Variants in NCAPG observed in about 807,000 individuals in gnomAD.
The protein encoded by NCAPG is non-SMC condensin I complex subunit G, also known as condensin complex subunit 3.
Under a neutral mutation model 113.1 loss-of-function variants are expected in NCAPG, and 69 were observed. The ratio of observed to expected loss-of-function variants is 0.61; its 90% CI spans 0.50 to 0.75. The LOEUF (loss-of-function observed/expected upper bound fraction) is 0.75, where lower values mean the gene tolerates loss of function less well. Ranked by LOEUF, NCAPG falls within the 30% of genes least tolerant of loss-of-function variation. The pLI, the probability that NCAPG is intolerant of heterozygous loss-of-function variation, is 0.00. For synonymous variants in NCAPG, 370 were observed against 415.8 expected (o/e 0.89, Z 1.34); for missense variants, 1,058 against 1,177.0 (o/e 0.90, Z 1.48).
intron 4 of NCAPG, 104 bp downstream of exon 4, chr4:17,815,102 T>G (rs1560221916): frequency 2.8e-6 from 4 of 1,450,422 alleles, no homozygotes; most frequent in Non-Finnish European, 3.8e-6. Context: ...TTTCTTCAGT[T>G]GAGGTTTTAT....
rs200307346 is a variant in NCAPG, at chr4:17,811,127, C to T, written c.50C>T (p.Ala17Val). The part of the protein sequence containing the change: ...LLSIKEAFRL[A>V]QQPHQNQAKL... ...TCGATTAAGGAGGCCTTTCGGCTGG[C>T]GCAGCAGCCGCACCAGAACCAGGCG... is the stretch of plus-strand genomic sequence containing the variant. The change falls in exon 1 of 21, where the codon GCG becomes GTG. Residue 17 changes from alanine to valine, a missense_variant. By Grantham distance (64) the Ala-to-Val change is moderately conservative. Coordinates refer to ENST00000251496, the MANE Select transcript of NCAPG (RefSeq NM_022346.5). The surrounding 1 kb of genome is among the most constrained non-coding windows in gnomAD (Gnocchi z 5.3). The T allele has an allele frequency of 3.9e-6, 6 of 1,520,418 alleles. No individual in the cohort carries two copies. The highest frequency in any genetic ancestry group is 5.3e-6 in the Non-Finnish European group (6 of 1,134,200). 94.2% of individuals were successfully genotyped at this position (1,520,418 alleles called of 1,614,324 possible).
intron 13 of NCAPG, among the ~76,000 whole-genome samples, chr4:17,832,612 A>G (rs1281589749): frequency 6.6e-6 from 1 of 152,172 alleles, no homozygotes; most frequent in Non-Finnish European, 1.5e-5. Context: ...AGTATAGGGG[A>G]GAGGTCCAAG....
chr4:17,817,248 A>C lies in NCAPG; in HGVS notation c.776-13A>C, dbSNP rs1370744125. ...GGAGCCTTTGTTCACCTATGTTTCA[A>C]ATGACTCAATAGATGCTGTGAAACA... On this transcript the variant is annotated splice_polypyrimidine_tract_variant and intron_variant, in intron 5 of 20. Transcript: ENST00000251496. 6.2e-7 allele frequency: 1 copy of C among 1,600,144 alleles called. No individual in the cohort carries two copies. The highest frequency in any genetic ancestry group is 1.7e-5 in the Admixed American group (1 of 57,914).
intron 16 of NCAPG, among the ~76,000 whole-genome samples, chr4:17,838,219 C>T (rs1722182597): frequency 6.6e-6 from 1 of 152,176 alleles, no homozygotes; most frequent in Non-Finnish European, 1.5e-5. Flanking sequence ...ATCAATTGCA[C>T]ACTGACTCAC....
Position 17,823,057 on chromosome 4 carries a change from A to C in NCAPG, c.1193A>C (p.Lys398Thr), listed in dbSNP as rs1418934787. 1 of 1,610,056 alleles carries C rather than the reference A, an allele frequency of 6.2e-7. No individual in the cohort carries two copies. Among genetic ancestry groups the C allele is most frequent in the Admixed American group, 1.7e-5 (1 of 59,302 alleles). ...TCCTATATTGGAAATTTGATGACAA[A>C]AGAATTCATAGGTCAACAATTGATT... ...DFSYIGNLMT[K>T]EFIGQQLILI... Residue 398 changes from lysine (K) to threonine (T), a missense_variant, in exon 8 of 21, where the codon AAA becomes ACA. By Grantham distance (78) the Lys-to-Thr change is moderately conservative (BLOSUM62 -1). Transcript: ENST00000251496.
chr4:17,829,654 A>C (rs1721788265), intron 12 of NCAPG, among the ~76,000 whole-genome samples: 1 of 152,222 alleles, frequency 6.6e-6, no homozygotes, highest in South Asian at 2.1e-4. Context: ...GTAGAGGAAT[A>C]TAAAAGATGT....
chr4:17,837,128 A>C (rs1355245851), intron 14 of NCAPG, 31 bp from the exon 15 acceptor site: 3 of 1,599,264 alleles, frequency 1.9e-6, no homozygotes, highest in East Asian at 4.5e-5. Flanking sequence ...GATACAAATA[A>C]ATTTCTTCTA....
chr4:17,836,368 T>G (rs947948227), intron 14 of NCAPG, among the ~76,000 whole-genome samples: 2 of 152,202 alleles, frequency 1.3e-5, no homozygotes, highest in African/African-American at 4.8e-5. Context: ...CAGGTATAAT[T>G]TGTAACTTTT....
chr4:17,814,244 G>A (rs1289785802), intron 3 of NCAPG, among the ~76,000 whole-genome samples: 1 of 152,036 alleles, frequency 6.6e-6, no homozygotes, highest in Non-Finnish European at 1.5e-5. Flanking sequence ...TGACTTTTAG[G>A]GCTATTTGTT....
intron 7 of NCAPG, among the ~76,000 whole-genome samples, chr4:17,820,601 CA>C (rs561508725): frequency 6.7e-6 from 1 of 149,434 alleles, no homozygotes; most frequent in Non-Finnish European, 1.5e-5. Flanking sequence ...GACTCCGTCT[CA>C]AAAAAAACAA....
At chr4:17,827,125 G>A (rs1342660203) in intron 11 of NCAPG, among the ~76,000 whole-genome samples, 1 of 152,170 alleles carries the variant, frequency 6.6e-6, no homozygotes, top group Non-Finnish European at 1.5e-5. Flanking sequence ...CAACATCTGT[G>A]ATGGTCCAGA....
intron 8 of NCAPG, among the ~76,000 whole-genome samples, 157 bp from the exon 9 acceptor site, chr4:17,823,490 C>A (rs1489830039): frequency 6.6e-6 from 1 of 151,822 alleles, no homozygotes; most frequent in Non-Finnish European, 1.5e-5. Flanking sequence ...GAATATTTGA[C>A]CTAAAGTCTG....
At chr4:17,816,792 A>G (rs1228957681) in intron 5 of NCAPG, among the ~76,000 whole-genome samples, 1 of 152,168 alleles carries the variant, frequency 6.6e-6, no homozygotes, top group Non-Finnish European at 1.5e-5. Flanking sequence ...GTAAGTGACC[A>G]TTACAGTGAC....
At chr4:17,813,352 C>G in intron 3 of NCAPG, 2 of 385,706 alleles carry the variant, frequency 5.2e-6, no homozygotes, top group Non-Finnish European at 9.2e-6. Flanking sequence ...ATCCCTGTCC[C>G]TCAGAAGTAA....
chr4:17,830,422 C>A (rs1169279782), intron 12 of NCAPG, among the ~76,000 whole-genome samples: 2 of 151,564 alleles, frequency 1.3e-5, no homozygotes, highest in South Asian at 2.1e-4. Flanking sequence ...AAAGAAAAAA[C>A]CATGTTGGGT....
chr4:17,837,471 AG>A (rs1403994077), intron 15 of NCAPG, 131 bp downstream of exon 15: 47 of 1,220,218 alleles, frequency 3.9e-5, no homozygotes, highest in Non-Finnish European at 5.2e-5. Context: ...TGAAATGACA[AG>A]AACGATACAG....
intron 6 of NCAPG, 138 bp from the exon 7 acceptor site, chr4:17,817,801 G>C (rs1283610051): frequency 1.9e-5 from 16 of 833,274 alleles, no homozygotes; most frequent in Admixed American, 3.7e-5. Flanking sequence ...TCCTTTTTGT[G>C]TGGATACATT....
intron 20 of NCAPG, chr4:17,842,590 G>T: frequency 2.0e-6 from 1 of 509,728 alleles, no homozygotes; most frequent in Non-Finnish European, 3.6e-6. Flanking sequence ...TAGCTGGCAT[G>T]GTCTTTAGTA....
chr4:17,837,194 A>G lies in NCAPG; in HGVS notation c.2145A>G (p.Leu715=), dbSNP rs1722134011. ...TTAGGACTGGAGCTGCAGAAGGACT[A>G]GCCAAGCTGATGTTCTCTGGGCTTT... ...SELRTGAAEG[L]AKLMFSGLLV... is the part of the protein sequence containing the mutation. Residue 715 remains leucine (L), a synonymous_variant, in exon 15 of 21, where the codon CTA becomes CTG. Transcript: ENST00000251496. 3 of 1,613,996 alleles carry G rather than the reference A, an allele frequency of 1.9e-6. No homozygotes were observed. Among genetic ancestry groups the G allele is most frequent in the Non-Finnish European group, 2.5e-6 (3 of 1,179,942 alleles).
Sources: allele counts gnomAD v4.1 joint callset (sites outside exome capture counted in the v4.1 genomes callset), GRCh38; gene constraint gnomAD v4.1.1; non-coding constraint Gnocchi (gnomAD v3.1); transcripts MANE v1.5; gene names NCBI Gene and HGNC (gene_info 2026-07-23, HGNC 2026-07-21).